The following NECAB2 variants were observed in gnomAD, a reference collection of about 807,000 sequenced individuals.
NECAB2 encodes N-terminal EF-hand calcium binding protein 2, also known as N-terminal EF-hand calcium-binding protein 2.
NECAB2 carries 68 observed loss-of-function variants against 51.9 expected under a neutral mutation model. That is an observed-to-expected ratio of 1.31 (90% CI 1.08 to 1.60). The LOEUF is 1.60. Ranked by LOEUF, NECAB2 falls within the 40% of genes most tolerant of loss-of-function variation. The probability of loss-of-function intolerance (pLI) is 0.00; values close to 1 mark genes in which losing one functional copy is unlikely to be tolerated. For synonymous variants in NECAB2, 329 were observed against 203.5 expected, an observed-to-expected ratio of 1.62 and a Z score of -5.25; for missense variants, 854 against 490.3, an observed-to-expected ratio of 1.74 and a Z score of -7.00.
In NECAB2 at chr16:83,968,300, C is replaced by A. The variant is rs1043063780; in HGVS notation, c.-349C>A. On this transcript the variant is annotated 5_prime_UTR_variant, in exon 1 of 13. Transcript: ENST00000305202. The stretch of plus-strand genomic sequence containing the variant: ...CTTTAGAAGCGGGGAGAGCAGGAGA[C>A]TTTTGGGGAGCAGGCCCCAGGGGCG... Among the ~76,000 whole-genome samples, 5 of 151,228 alleles carry A rather than the reference C, an allele frequency of 3.3e-5. No individual in the cohort carries two copies. Among genetic ancestry groups the A allele is most frequent in the African/African-American group, 1.2e-4 (5 of 41,296 alleles).
intron 5 of NECAB2, among the ~76,000 whole-genome samples, chr16:83,985,536 G>A (rs2084542403): frequency 6.6e-6 from 1 of 151,132 alleles, no homozygotes; most frequent in South Asian, 2.1e-4. Flanking sequence ...GGGAGAGTGA[G>A]GCAGGAGAAT....
At chr16:83,986,667 C>G (rs1043874806) in intron 5 of NECAB2, among the ~76,000 whole-genome samples, 1 of 149,856 alleles carries the variant, frequency 6.7e-6, no homozygotes, top group African/African-American at 2.5e-5. Flanking sequence ...TGGGTGCCAC[C>G]ACTCACGGCA....
intron 11 of NECAB2, among the ~76,000 whole-genome samples, chr16:84,001,331 G>A (rs4997515): frequency 0.23 from 34,314 of 152,012 alleles, 8,068 homozygotes; most frequent in African/African-American, 0.61. Context: ...GGCAGGAAGC[G>A]GGGCCTAGGG....
chr16:83,972,919 T>G (rs1176790104), intron 2 of NECAB2, among the ~76,000 whole-genome samples: 2 of 152,250 alleles, frequency 1.3e-5, no homozygotes, highest in East Asian at 3.9e-4. Context: ...ACCAGAATCA[T>G]TATTACAGTT....
intron 5 of NECAB2, among the ~76,000 whole-genome samples, chr16:83,982,064 A>T (rs1476443687): frequency 6.6e-6 from 1 of 152,184 alleles, no homozygotes; most frequent in Admixed American, 6.5e-5. Context: ...TCCTTCAGAG[A>T]TTGAGCCAAG....
At chr16:83,992,070 G>A (rs368391305) in intron 6 of NECAB2, among the ~76,000 whole-genome samples, 44 of 152,282 alleles carry the variant, frequency 2.9e-4, no homozygotes, top group African/African-American at 9.1e-4. Context: ...CATTGTTTAC[G>A]ATCCAGCTTG....
At chr16:83,982,937 C>T (rs568550400) in intron 5 of NECAB2, among the ~76,000 whole-genome samples, 1 of 151,382 alleles carries the variant, frequency 6.6e-6, no homozygotes, top group South Asian at 2.1e-4. Context: ...GATACAATGT[C>T]GCCTCACTGC....
upstream of NECAB2, among the ~76,000 whole-genome samples, chr16:83,968,098 G>C (rs1469197144): frequency 2.0e-5 from 3 of 151,866 alleles, no homozygotes; most frequent in African/African-American, 7.3e-5. Context: ...TTGTAACCAA[G>C]GGGGCGGCCT....
chr16:83,968,158 G>A (rs1387158132), upstream of NECAB2, among the ~76,000 whole-genome samples: 15 of 151,554 alleles, frequency 9.9e-5, no homozygotes, highest in Non-Finnish European at 1.9e-4. Context: ...CCGCGGGCGT[G>A]ACGGGGCCGC....
rs769976032 is a variant in NECAB2, at chr16:83,997,255, G to C, written c.835G>C (p.Asp279His). ...FDLQQRLSDE[D>H]GTNMHLQLVR... is the part of the protein sequence containing the mutation. ...CCTGCAGCAGCGCCTGTCAGATGAA[G>C]ATGGCACCAACATGGTGAGGCCCCT... Residue 279 changes from aspartate (D) to histidine (H), a missense_variant, in exon 9 of 13, where the codon GAT becomes CAT. Coordinates refer to ENST00000305202, the MANE Select transcript of NECAB2 (RefSeq NM_019065.3). 3 of 1,614,028 alleles carry C rather than the reference G, an allele frequency of 1.9e-6. No individual in the cohort carries two copies. Among genetic ancestry groups the C allele is most frequent in the Non-Finnish European group, 2.5e-6 (3 of 1,180,038 alleles).
chr16:83,968,242 G>GC (rs2084310344), upstream of NECAB2, among the ~76,000 whole-genome samples: 2 of 151,382 alleles, frequency 1.3e-5, no homozygotes, highest in African/African-American at 4.8e-5. Flanking sequence ...CCGCGCTTCG[G>GC]CCTCTGCTGC....
intron 4 of NECAB2, 29 bp downstream of exon 4, chr16:83,980,893 A>T: frequency 6.2e-7 from 1 of 1,613,480 alleles, no homozygotes; most frequent in Non-Finnish European, 8.5e-7. Context: ...TGGGACCAAG[A>T]TGGGGATGCT....
In NECAB2 at chr16:83,998,199, C is replaced by A; in HGVS notation, c.850-6C>A. 1 of 1,606,962 alleles carries A rather than the reference C, an allele frequency of 6.2e-7. No individual in the cohort carries two copies. On this transcript the variant is annotated splice_region_variant and splice_polypyrimidine_tract_variant and intron_variant, in intron 9 of 12. Transcript: ENST00000305202. ...GCCCCACACTGACTCCTGCTGTGCCCGGCAGCACCTGCAGCTGGTCCGGCA... is the reference window on the plus strand; with the variant it reads ...GCCCCACACTGACTCCTGCTGTGCCAGGCAGCACCTGCAGCTGGTCCGGCA...
chr16:83,986,982 T>C (rs967105340), intron 5 of NECAB2, among the ~76,000 whole-genome samples: 4 of 152,168 alleles, frequency 2.6e-5, no homozygotes, highest in African/African-American at 9.7e-5. Context: ...ACCCCCACCA[T>C]GACATACCCA....
intron 8 of NECAB2, among the ~76,000 whole-genome samples, chr16:83,996,280 C>A (rs770091513): frequency 6.6e-6 from 1 of 152,228 alleles, no homozygotes; most frequent in Admixed American, 6.5e-5. Flanking sequence ...GCCAGGCACA[C>A]CTTCACCACT....
rs778049667 is a variant in NECAB2, at chr16:83,972,211, CCTT to C, written c.226+39_226+41del. 278 of 1,613,212 alleles carry C rather than the reference CCTT, an allele frequency of 1.7e-4. 1 individual carries two copies. The highest frequency in any genetic ancestry group is 2.2e-4 in the Non-Finnish European group (263 of 1,179,834). On this transcript the variant is annotated intron_variant, in intron 2 of 12. Coordinates refer to ENST00000305202, the MANE Select transcript of NECAB2 (RefSeq NM_019065.3). ...CTTCCAGGCCGACGGCCGCCCCACTCCTTCTGTCCTCGTGCTTCATGGGGAAGG... is the reference window on the plus strand; with the variant it reads ...CTTCCAGGCCGACGGCCGCCCCACTCCTGTCCTCGTGCTTCATGGGGAAGG...
At chr16:83,986,472 A>C (rs1056633074) in intron 5 of NECAB2, among the ~76,000 whole-genome samples, 1 of 152,172 alleles carries the variant, frequency 6.6e-6, no homozygotes, top group Non-Finnish European at 1.5e-5. Context: ...CAGGGCAACA[A>C]CCAATTGCCC....
intron 10 of NECAB2, 32 bp downstream of exon 10, chr16:83,998,349 G>T: frequency 6.2e-7 from 1 of 1,601,164 alleles, no homozygotes. Context: ...GGGTGGGATG[G>T]TGGCAGGGAG....
intron 1 of NECAB2, among the ~76,000 whole-genome samples, chr16:83,969,221 C>A (rs1169171136): frequency 6.6e-6 from 1 of 152,040 alleles, no homozygotes; most frequent in Non-Finnish European, 1.5e-5. Flanking sequence ...CGTCCAGCCG[C>A]CTCCTCCTCT....
Sources: allele counts gnomAD v4.1 joint callset (sites outside exome capture counted in the v4.1 genomes callset), GRCh38; gene constraint gnomAD v4.1.1; transcripts MANE v1.5; gene names NCBI Gene and HGNC (gene_info 2026-07-23, HGNC 2026-07-21).